The following SGCD variants were observed in gnomAD, a reference collection of about 807,000 sequenced individuals.
SGCD encodes delta-sarcoglycan.
A neutral mutation model predicts 36.6 loss-of-function variants in SGCD; 18 were observed. The ratio of observed to expected loss-of-function variants is 0.49; its 90% CI spans 0.34 to 0.73. The LOEUF is 0.73. Among genes scored for constraint, SGCD ranks in the 30% least tolerant of loss-of-function variants. The pLI is 0.01. For synonymous variants in SGCD, 133 were observed against 130.6 expected (o/e 1.02, Z -0.12); for missense variants, 387 against 346.7 (o/e 1.12, Z -0.92).
At chr5:155,810,609 T>G in the SGCD span, among the ~76,000 whole-genome samples, 16 of 152,162 alleles carry the variant, frequency 1.1e-4, no homozygotes, top group African/African-American at 3.4e-4. Flanking sequence ...TAAATAAAGA[T>G]AAAATGAAGA....
intron 3 of SGCD, among the ~76,000 whole-genome samples, chr5:156,501,573 G>A (rs1172179081): frequency 6.6e-6 from 1 of 152,188 alleles, no homozygotes; most frequent in Non-Finnish European, 1.5e-5. Flanking sequence ...CCAGCCCAGA[G>A]GGTAATTCCC....
At chr5:156,234,210 C>T (rs1467381679) in intron 3 of SGCD, among the ~76,000 whole-genome samples, 1 of 152,000 alleles carries the variant, frequency 6.6e-6, no homozygotes, top group Non-Finnish European at 1.5e-5. Context: ...ACATTTTTAG[C>T]CTATTTTTAG....
intron 3 of SGCD, among the ~76,000 whole-genome samples, chr5:156,230,718 G>A (rs1267426418): frequency 6.6e-6 from 1 of 152,118 alleles, no homozygotes; most frequent in Non-Finnish European, 1.5e-5. Context: ...CTGTCTGAGT[G>A]GGAGCTGTAA....
intron 3 of SGCD, among the ~76,000 whole-genome samples, chr5:156,247,133 A>G (rs960509791): frequency 3.3e-5 from 5 of 152,214 alleles, no homozygotes; most frequent in African/African-American, 1.2e-4. Flanking sequence ...ACTGGAAAGA[A>G]TAAGAAATTA....
chr5:156,305,342 GGGGC>G (rs1399215315), intron 3 of SGCD, among the ~76,000 whole-genome samples: 1 of 152,198 alleles, frequency 6.6e-6, no homozygotes, highest in African/African-American at 2.4e-5. Context: ...ATGGCTGAAA[GGGGC>G]CAACATAGAG....
chr5:156,713,286 TTA>T (rs1462100881), intron 7 of SGCD, among the ~76,000 whole-genome samples: 3 of 152,158 alleles, frequency 2.0e-5, no homozygotes, highest in Non-Finnish European at 4.4e-5. Context: ...TACATATTTA[TTA>T]ACACATGTAT....
chr5:156,194,866 A>G (rs1207660646), intron 3 of SGCD, among the ~76,000 whole-genome samples: 3 of 152,108 alleles, frequency 2.0e-5, no homozygotes, highest in Non-Finnish European at 4.4e-5. Flanking sequence ...CATAAGAACT[A>G]TAGGATTATG....
At chr5:156,024,588 A>G (rs971827664) in intron 1 of SGCD, among the ~76,000 whole-genome samples, 1 of 152,002 alleles carries the variant, frequency 6.6e-6, no homozygotes, top group Non-Finnish European at 1.5e-5. Flanking sequence ...TGCTCCAGTT[A>G]TGGTTCCTGG....
At chr5:156,468,716 G>T (rs532497136) in intron 3 of SGCD, among the ~76,000 whole-genome samples, 40 of 152,330 alleles carry the variant, frequency 2.6e-4, no homozygotes, top group Non-Finnish European at 2.6e-4. Flanking sequence ...ATGTGGCTGT[G>T]TGTGGTGGCT....
intron 1 of SGCD, among the ~76,000 whole-genome samples, chr5:156,099,965 T>C (rs1761481832): frequency 6.6e-6 from 1 of 152,156 alleles, no homozygotes; most frequent in Non-Finnish European, 1.5e-5. Context: ...GAATATTGCT[T>C]TTGTCCCACT....
At chr5:156,050,960 C>A (rs1242400047) in intron 1 of SGCD, among the ~76,000 whole-genome samples, 4 of 146,494 alleles carry the variant, frequency 2.7e-5, no homozygotes, top group African/African-American at 4.9e-5. Flanking sequence ...ATTGCTAAGT[C>A]TCTTTTGACA....
intron 3 of SGCD, among the ~76,000 whole-genome samples, chr5:156,364,926 C>T (rs753251291): frequency 6.6e-6 from 1 of 152,196 alleles, no homozygotes; most frequent in Non-Finnish European, 1.5e-5. Flanking sequence ...GGGCATACTA[C>T]CTGTCGCCTC....
intron 3 of SGCD, among the ~76,000 whole-genome samples, chr5:156,459,174 A>T (rs1020947944): frequency 1.3e-5 from 2 of 152,160 alleles, no homozygotes; most frequent in African/African-American, 4.8e-5. Flanking sequence ...CTTTGTTCCC[A>T]ACCTCCACTT....
intron 3 of SGCD, among the ~76,000 whole-genome samples, chr5:156,407,605 T>G (rs919307479): frequency 1.3e-5 from 2 of 152,240 alleles, no homozygotes; most frequent in Admixed American, 6.5e-5. Context: ...AGGGAAATTA[T>G]AATCTACTCA....
the SGCD span, among the ~76,000 whole-genome samples, chr5:155,743,561 T>G: frequency 6.6e-6 from 1 of 152,164 alleles, no homozygotes; most frequent in African/African-American, 2.4e-5. Flanking sequence ...ACCTGAAATC[T>G]TACAACAATA....
At chr5:156,594,792 C>T (rs1760857038) in intron 5 of SGCD, 140 bp from the exon 6 acceptor site, 2 of 600,878 alleles carry the variant, frequency 3.3e-6, no homozygotes, top group African/African-American at 3.7e-5. Flanking sequence ...GTCCACTGAA[C>T]ATTGAAGTCT....
intron 3 of SGCD, among the ~76,000 whole-genome samples, chr5:156,208,308 T>C (rs997846869): frequency 6.6e-6 from 1 of 152,168 alleles, no homozygotes; most frequent in African/African-American, 2.4e-5. Context: ...CAGGCCTATT[T>C]TAGATTTTAG....
At chr5:156,313,574 C>A (rs1238303153) in intron 3 of SGCD, among the ~76,000 whole-genome samples, 1 of 151,998 alleles carries the variant, frequency 6.6e-6, no homozygotes, top group Non-Finnish European at 1.5e-5. Context: ...AACATTATAT[C>A]CATAAGGGTA....
At chr5:156,037,455 C>T (rs1380294422) in intron 1 of SGCD, among the ~76,000 whole-genome samples, 1 of 152,210 alleles carries the variant, frequency 6.6e-6, no homozygotes, top group East Asian at 1.9e-4. Context: ...GGCACCTGCA[C>T]AGTTCTCAGG....
Sources: gnomAD v4.1 joint callset for allele counts (sites outside exome capture counted in the v4.1 genomes callset) on GRCh38, gnomAD v4.1.1 for gene constraint, MANE v1.5 for transcripts, NCBI Gene and HGNC (gene_info 2026-07-23, HGNC 2026-07-21) for gene names.